MAGI3: variants seen among roughly 807,000 people sequenced by gnomAD.
The protein encoded by MAGI3 is membrane-associated guanylate kinase, WW and PDZ domain-containing protein 3.
MAGI3 carries 43 observed loss-of-function variants against 121.8 expected under a neutral mutation model. That is an observed-to-expected ratio of 0.35 (90% CI 0.28 to 0.46). The LOEUF is 0.46. MAGI3 is among the 20% of genes least tolerant of loss of function. The pLI, the probability that MAGI3 is intolerant of heterozygous loss-of-function variation, is 1.00. For missense variants in MAGI3, 1,547 were observed against 1,797.3 expected, an observed-to-expected ratio of 0.86 and a Z score of 2.52; for synonymous variants, 553 against 639.3, an observed-to-expected ratio of 0.86 and a Z score of 2.04.
chr1:113,534,857 T>C (rs1658893136), intron 1 of MAGI3, among the ~76,000 whole-genome samples: 1 of 152,194 alleles, frequency 6.6e-6, no homozygotes, highest in South Asian at 2.1e-4. Context: ...TGTTTAATTG[T>C]TTTTCTCCTG....
At chr1:113,448,332 A>G (rs147085453) in intron 1 of MAGI3, among the ~76,000 whole-genome samples, 1 of 152,354 alleles carries the variant, frequency 6.6e-6, no homozygotes, top group East Asian at 1.9e-4. Flanking sequence ...GTGGAGTAAT[A>G]TGATTATTCT....
chr1:113,682,304 T>G (rs1557890919), intron 20 of MAGI3: 1 of 1,589,200 alleles, frequency 6.3e-7, no homozygotes, highest in Non-Finnish European at 8.5e-7. Flanking sequence ...AAAGACTTGG[T>G]AAATTTGCAT....
intron 1 of MAGI3, among the ~76,000 whole-genome samples, chr1:113,455,478 C>G (rs1305564921): frequency 1.3e-5 from 2 of 152,042 alleles, no homozygotes; most frequent in African/African-American, 4.8e-5. Context: ...CCAGTCCTCC[C>G]TGATCTGACC....
chr1:113,390,998 G>C lies in MAGI3; in HGVS notation c.-36G>C. On this transcript the variant is annotated 5_prime_UTR_variant, in exon 1 of 21. Coordinates refer to ENST00000307546, the MANE Select transcript of MAGI3 (RefSeq NM_001142782.2). Reference sequence around the variant, plus strand: ...GGCCGGAGCGGCGCCCCGGCCGCCCGCGCGGGGTCTCCCCCATGGTGCAGC... The same window carrying C: ...GGCCGGAGCGGCGCCCCGGCCGCCCCCGCGGGGTCTCCCCCATGGTGCAGC... 6.7e-7 allele frequency: 1 copy of C among 1,499,072 alleles called. No homozygotes were observed. Among genetic ancestry groups the C allele is most frequent in the Non-Finnish European group, 8.9e-7 (1 of 1,128,948 alleles). The allele number at this position is 1,499,072 out of a possible 1,614,324, so 92.9% of individuals were successfully genotyped here.
At chr1:113,556,552 AT>A (rs569112647) in intron 2 of MAGI3, among the ~76,000 whole-genome samples, 19,482 of 117,364 alleles carry the variant, frequency 0.17, 1,190 homozygotes, top group East Asian at 0.5. Context: ...TATGATAAAG[AT>A]TTTTTTTTTT....
At chr1:113,458,749 A>G (rs1020651190) in intron 1 of MAGI3, among the ~76,000 whole-genome samples, 3 of 152,156 alleles carry the variant, frequency 2.0e-5, no homozygotes, top group African/African-American at 4.8e-5. Flanking sequence ...ATGCAGTGGC[A>G]CAATTATAGC....
intron 2 of MAGI3, among the ~76,000 whole-genome samples, chr1:113,557,597 G>T (rs1182713145): frequency 6.6e-6 from 1 of 152,198 alleles, no homozygotes; most frequent in African/African-American, 2.4e-5. Flanking sequence ...GTGCCTGAGG[G>T]GTGGGCAAGC....
In MAGI3 at chr1:113,422,456, G is replaced by C. The variant is rs1652772667; in HGVS notation, c.316+31107G>C. Among the ~76,000 whole-genome samples the C allele has an allele frequency of 6.6e-6, 1 of 152,238 alleles. No homozygotes were observed. The highest frequency in any genetic ancestry group is 2.4e-5 in the African/African-American group (1 of 41,462). On this transcript the variant is annotated intron_variant, in intron 1 of 20. Coordinates refer to ENST00000307546, the MANE Select transcript of MAGI3 (RefSeq NM_001142782.2). The surrounding 1 kb of genome is among the most constrained non-coding windows in gnomAD (Gnocchi z 4.3). ...AGGCTGCGTTTGGCTCATGATGCCT[G>C]CCCGGATCCCATACCTGCCAAGGGT...
At position 113,477,278 on chromosome 1, in the gene MAGI3, G is replaced by A. The variant is rs565788207; in HGVS notation, c.317-72237G>A. The stretch of plus-strand genomic sequence containing the variant: ...ATTTGATCCTGTCATTATGATGTTC[G>A]CTGGTTTTTTTGCCTGTTAATTGAT... On this transcript the variant is annotated intron_variant, in intron 1 of 20. Transcript: ENST00000307546. Among the ~76,000 whole-genome samples the A allele has an allele frequency of 2.0e-4, 31 of 152,246 alleles. 1 individual carries two copies. The South Asian group carries it at 5.8e-3, about 29-fold the overall frequency.
chr1:113,639,229 C>T (rs557684347), intron 9 of MAGI3, among the ~76,000 whole-genome samples: 2 of 152,336 alleles, frequency 1.3e-5, no homozygotes, highest in East Asian at 1.9e-4. Context: ...GCACACGGTG[C>T]GCTGCACCCA....
chr1:113,458,958 T>C (rs1654900997), intron 1 of MAGI3, among the ~76,000 whole-genome samples: 1 of 152,240 alleles, frequency 6.6e-6, no homozygotes, highest in African/African-American at 2.4e-5. Context: ...ATTTTTTTTA[T>C]CCTGTAAGTT....
intron 1 of MAGI3, among the ~76,000 whole-genome samples, chr1:113,476,106 AT>A (rs1655805181): frequency 6.7e-6 from 1 of 149,664 alleles, no homozygotes; most frequent in Non-Finnish European, 1.5e-5. Flanking sequence ...CATCTATTTG[AT>A]TCTTTTTTTC....
intron 2 of MAGI3, among the ~76,000 whole-genome samples, chr1:113,557,479 G>C (rs1230278269): frequency 6.6e-6 from 1 of 152,042 alleles, no homozygotes; most frequent in African/African-American, 2.4e-5. Context: ...ACTCTGATCC[G>C]CTCCTCATCT....
intron 1 of MAGI3, among the ~76,000 whole-genome samples, chr1:113,426,425 CT>C (rs1227602622): frequency 6.6e-6 from 1 of 152,128 alleles, no homozygotes; most frequent in Non-Finnish European, 1.5e-5. Flanking sequence ...GTTAATTTTG[CT>C]GTTCAAAATA....
At chr1:113,595,770 T>C (rs1648962449) in intron 6 of MAGI3, among the ~76,000 whole-genome samples, 1 of 152,190 alleles carries the variant, frequency 6.6e-6, no homozygotes. Context: ...AGGCTGGGCA[T>C]GATGGCTCAT....
In MAGI3 at chr1:113,523,140, C is replaced by T. The variant is rs115779022; in HGVS notation, c.317-26375C>T. 2.3e-3 allele frequency among the ~76,000 whole-genome samples: 356 copies of T among 152,306 alleles called. 2 individuals are homozygous for T. The highest frequency in any genetic ancestry group is 8.0e-3 in the African/African-American group (332 of 41,566). ...TTTTCTTTTCTGCCACCATGTGAGA[C>T]GTGCCTTTCACCTTCCGCCGTGACT... On this transcript the variant is annotated intron_variant, in intron 1 of 20. Transcript: ENST00000307546.
chr1:113,615,303 C>G (rs1488344101), intron 7 of MAGI3, among the ~76,000 whole-genome samples: 2 of 152,112 alleles, frequency 1.3e-5, no homozygotes, highest in Non-Finnish European at 2.9e-5. Context: ...AATGTTATGA[C>G]CATTGGGATT....
intron 13 of MAGI3, among the ~76,000 whole-genome samples, chr1:113,649,560 A>G (rs1653041427): frequency 1.3e-5 from 2 of 152,212 alleles, no homozygotes; most frequent in South Asian, 2.1e-4. Flanking sequence ...TGATTAATTT[A>G]TTTACTTCTC....
intron 1 of MAGI3, among the ~76,000 whole-genome samples, chr1:113,481,293 C>T (rs1656099668): frequency 6.6e-6 from 1 of 152,142 alleles, no homozygotes; most frequent in African/African-American, 2.4e-5. Context: ...ATCTTATAAA[C>T]CTAGTTAGGT....
Sources: allele counts gnomAD v4.1 joint callset (sites outside exome capture counted in the v4.1 genomes callset), GRCh38; gene constraint gnomAD v4.1.1; non-coding constraint Gnocchi (gnomAD v3.1); transcripts MANE v1.5; gene names NCBI Gene and HGNC (gene_info 2026-07-23, HGNC 2026-07-21).